TMPRSS11F: variants seen among roughly 807,000 people sequenced by gnomAD.
The protein encoded by TMPRSS11F is transmembrane serine protease 11F.
A neutral mutation model predicts 60.2 loss-of-function variants in TMPRSS11F; 47 were observed. The observed-to-expected ratio is 0.78, with a 90% CI of 0.62 to 1.00. TMPRSS11F has a LOEUF of 1.00. TMPRSS11F is among the 50% of genes least tolerant of loss of function. TMPRSS11F has a pLI of 0.00. For missense variants in TMPRSS11F, 519 were observed against 522.9 expected (o/e 0.99, Z 0.07); for synonymous variants, 166 against 167.3 (o/e 0.99, Z 0.06).
intron 1 of TMPRSS11F, among the ~76,000 whole-genome samples, chr4:68,122,617 A>G (rs533195636): frequency 9.8e-5 from 15 of 152,306 alleles, no homozygotes; most frequent in African/African-American, 3.1e-4. Flanking sequence ...TGTTTATGTC[A>G]TTTATTCTAA....
chr4:68,057,325 C>T (rs976738496), intron 9 of TMPRSS11F, among the ~76,000 whole-genome samples: 1 of 150,324 alleles, frequency 6.7e-6, no homozygotes, highest in African/African-American at 2.4e-5. Flanking sequence ...GAAATTAGAC[C>T]CTTACCCTTA....
At chr4:68,102,975 T>C (rs1724222327) in intron 1 of TMPRSS11F, among the ~76,000 whole-genome samples, 1 of 112,138 alleles carries the variant, frequency 8.9e-6, no homozygotes, top group African/African-American at 3.0e-5. Context: ...TTTTATCCAA[T>C]TTTGAGTTGT....
intron 9 of TMPRSS11F, 41 bp downstream of exon 9, chr4:68,059,284 GA>G (rs780353043): frequency 1.2e-6 from 2 of 1,602,028 alleles, no homozygotes; most frequent in Non-Finnish European, 1.7e-6. Context: ...ATAGCTAATG[GA>G]AACTTTCCTC....
intron 8 of TMPRSS11F, chr4:68,062,499 T>C (rs748164014): frequency 2.8e-6 from 2 of 706,064 alleles, no homozygotes; most frequent in East Asian, 2.7e-5. Flanking sequence ...ATGTTGTAAT[T>C]AGAAATATGC....
chr4:68,078,946 G>A (rs1723639651), intron 3 of TMPRSS11F, among the ~76,000 whole-genome samples: 1 of 151,714 alleles, frequency 6.6e-6, no homozygotes, highest in Admixed American at 6.6e-5. Flanking sequence ...TTTGGGGAAG[G>A]ATTAGGAGTC....
intron 9 of TMPRSS11F, among the ~76,000 whole-genome samples, chr4:68,058,823 A>C (rs1290656110): frequency 6.6e-6 from 1 of 152,230 alleles, no homozygotes; most frequent in Non-Finnish European, 1.5e-5. Context: ...AGGAAGATGC[A>C]AATGAGCACT....
intron 1 of TMPRSS11F, among the ~76,000 whole-genome samples, chr4:68,125,011 G>C (rs1322707958): frequency 1.5e-4 from 17 of 111,806 alleles, no homozygotes; most frequent in African/African-American, 4.5e-4. Context: ...TTAGTTTTGA[G>C]AATCATGCAT....
At chr4:68,112,352 G>GT (rs1005070025) in intron 1 of TMPRSS11F, among the ~76,000 whole-genome samples, 1 of 152,044 alleles carries the variant, frequency 6.6e-6, no homozygotes, top group Non-Finnish European at 1.5e-5. Flanking sequence ...CAGCTTAAAT[G>GT]TTACATCTCC....
chr4:68,114,195 A>G (rs752904858), intron 1 of TMPRSS11F, among the ~76,000 whole-genome samples: 90 of 152,114 alleles, frequency 5.9e-4, no homozygotes, highest in Non-Finnish European at 8.0e-4. Flanking sequence ...ACCCTACCTT[A>G]AGACACTGGG....
chr4:68,077,868 G>A, intron 3 of TMPRSS11F, among the ~76,000 whole-genome samples: 1 of 152,324 alleles, frequency 6.6e-6, no homozygotes, highest in Non-Finnish European at 1.5e-5. Flanking sequence ...CTGCAGCCTA[G>A]CACCTTAGGT....
chr4:68,095,096 C>T (rs949540636), intron 2 of TMPRSS11F, among the ~76,000 whole-genome samples: 12 of 151,388 alleles, frequency 7.9e-5, no homozygotes, highest in African/African-American at 2.9e-4. Context: ...TCATTAATCT[C>T]GAAAGAGCTT....
chr4:68,126,333 T>A (rs1290571905), intron 1 of TMPRSS11F, among the ~76,000 whole-genome samples: 1 of 152,220 alleles, frequency 6.6e-6, no homozygotes, highest in East Asian at 1.9e-4. Context: ...TACTAATGAA[T>A]AAATGAAACT....
chr4:68,061,054 A>T lies in TMPRSS11F; in HGVS notation c.1016-1586T>A, dbSNP rs182046281. Among the ~76,000 whole-genome samples the T allele has an allele frequency of 3.1e-3, 390 of 123,980 alleles. 1 individual carries two copies. Among genetic ancestry groups the T allele is most frequent in the South Asian group, 0.03 (121 of 3,992 alleles). 81.3% of individuals were successfully genotyped at this position (123,980 alleles called of 152,430 possible). On this transcript the variant is annotated intron_variant, in intron 8 of 9. Transcript: ENST00000356291. ...AAAGAAACTATTTTTAATATATATA[A>T]AACATACTCTATTTAATAAAGTATA...
At chr4:68,113,591 C>T (rs138688499) in intron 1 of TMPRSS11F, among the ~76,000 whole-genome samples, 23 of 152,142 alleles carry the variant, frequency 1.5e-4, no homozygotes, top group African/African-American at 4.1e-4. Context: ...AATGTTAAAA[C>T]GATCCGTAAA....
intron 4 of TMPRSS11F, among the ~76,000 whole-genome samples, chr4:68,073,495 AAG>A (rs1723521107): frequency 6.6e-6 from 1 of 152,182 alleles, no homozygotes; most frequent in Non-Finnish European, 1.5e-5. Flanking sequence ...GTATGAAAGA[AAG>A]AAGTGCAAGA....
chr4:68,083,161 G>GAT (rs939918138), intron 3 of TMPRSS11F, among the ~76,000 whole-genome samples: 27 of 152,316 alleles, frequency 1.8e-4, no homozygotes, highest in African/African-American at 6.5e-4. Flanking sequence ...ACCACCTTCA[G>GAT]ATATACCCCA....
chr4:68,115,993 C>A (rs1415857132), intron 1 of TMPRSS11F, among the ~76,000 whole-genome samples: 2 of 151,904 alleles, frequency 1.3e-5, no homozygotes, highest in Non-Finnish European at 2.9e-5. Flanking sequence ...AAATGTGAGT[C>A]CTTCAGCTTT....
intron 1 of TMPRSS11F, among the ~76,000 whole-genome samples, chr4:68,124,824 G>A (rs1229370651): frequency 6.6e-6 from 1 of 151,836 alleles, no homozygotes; most frequent in African/African-American, 2.4e-5. Flanking sequence ...GTTTCGCACT[G>A]AGTTGTTTTG....
intron 8 of TMPRSS11F, chr4:68,062,616 T>C (rs770029154): frequency 2.4e-6 from 2 of 849,090 alleles, no homozygotes; most frequent in Admixed American, 1.7e-5. Context: ...GTCCAGTGAT[T>C]GAGTTCTTCT....
Sources: allele counts gnomAD v4.1 joint callset (sites outside exome capture counted in the v4.1 genomes callset), GRCh38; gene constraint gnomAD v4.1.1; transcripts MANE v1.5; gene names NCBI Gene and HGNC (gene_info 2026-07-23, HGNC 2026-07-21).